Variants in IMPG1 observed in about 807,000 individuals in gnomAD.
IMPG1 encodes the protein interphotoreceptor matrix proteoglycan 1, also known as interphotoreceptor matrix proteoglycan of 150 kDa.
IMPG1 carries 85 observed loss-of-function variants against 92.0 expected under a neutral mutation model. The observed-to-expected ratio is 0.92, with a 90% CI of 0.78 to 1.11. IMPG1 has a LOEUF of 1.11. Ranked by LOEUF, IMPG1 falls within the 50% of genes least tolerant of loss-of-function variation. The pLI is 0.00. For synonymous variants in IMPG1, 367 were observed against 334.1 expected (o/e 1.10, Z -1.08); for missense variants, 1,022 against 956.0 (o/e 1.07, Z -0.91).
chr6:76,062,599 G>A (rs950394598), intron 1 of IMPG1, among the ~76,000 whole-genome samples: 21 of 152,062 alleles, frequency 1.4e-4, no homozygotes, highest in Admixed American at 1.2e-3. Context: ...AAAATGAAAC[G>A]TTGAATTTAG....
rs911535091 is a variant in IMPG1 at position 75,940,859 on chromosome 6, C to A, written c.2044+6455G>T. Among the ~76,000 whole-genome samples, 9 of 152,200 alleles carry A rather than the reference C, an allele frequency of 5.9e-5. 1 individual carries two copies. Among genetic ancestry groups the A allele is most frequent in the African/African-American group, 2.2e-4 (9 of 41,438 alleles). Reference sequence around the variant, plus strand: ...AAATGTCTGCATTTTCCTCTTGCATCTTCTGGAATAGTCCCTCACCCCCTT... The same window carrying A: ...AAATGTCTGCATTTTCCTCTTGCATATTCTGGAATAGTCCCTCACCCCCTT... On this transcript the variant is annotated intron_variant, in intron 14 of 16. Coordinates refer to ENST00000369950, the MANE Select transcript of IMPG1 (RefSeq NM_001563.4).
chr6:76,010,313 A>C (rs1357081439), intron 8 of IMPG1, among the ~76,000 whole-genome samples: 2 of 152,238 alleles, frequency 1.3e-5, no homozygotes, highest in Non-Finnish European at 2.9e-5. Context: ...AAGAAATCTC[A>C]TTCTGTTCAT....
rs1023093562 is a variant in IMPG1, at chr6:75,921,667, G to A, written c.*422C>T. ...TTTAGAGAGACCTGCATCTCCCTGC[G>A]TAAGTAGTCATCTTTTAAATGTACT... is the stretch of plus-strand genomic sequence containing the variant. On this transcript the variant is annotated 3_prime_UTR_variant, in exon 17 of 17. Coordinates refer to ENST00000369950, the MANE Select transcript of IMPG1 (RefSeq NM_001563.4). 3.3e-5 allele frequency: 6 copies of A among 183,240 alleles called. No individual in the cohort carries two copies. The highest frequency in any genetic ancestry group is 6.8e-5 in the Non-Finnish European group (6 of 88,766). 11.4% of individuals were successfully genotyped at this position (183,240 alleles called of 1,614,324 possible).
At chr6:76,033,098 A>G (rs1423547087) in intron 4 of IMPG1, among the ~76,000 whole-genome samples, 1 of 152,206 alleles carries the variant, frequency 6.6e-6, no homozygotes, top group Non-Finnish European at 1.5e-5. Flanking sequence ...TGGGGTGCTA[A>G]AAATATCCTT....
At chr6:76,019,616 G>A (rs75830650) in intron 6 of IMPG1, among the ~76,000 whole-genome samples, 2,002 of 152,250 alleles carry the variant, frequency 0.013, 46 homozygotes, top group African/African-American at 0.045. Flanking sequence ...AACTTTAGTA[G>A]GACACAAGGA....
chr6:76,001,159 T>C (rs1782981562), intron 12 of IMPG1, among the ~76,000 whole-genome samples: 1 of 152,188 alleles, frequency 6.6e-6, no homozygotes, highest in African/African-American at 2.4e-5. Flanking sequence ...ATGGAAACAG[T>C]AAGGCAATTT....
At chr6:75,974,055 A>T (rs1782465266) in intron 12 of IMPG1, among the ~76,000 whole-genome samples, 1 of 152,242 alleles carries the variant, frequency 6.6e-6, no homozygotes, top group Admixed American at 6.5e-5. Flanking sequence ...TTAGAGATGC[A>T]GCCTGGCTTC....
intron 12 of IMPG1, among the ~76,000 whole-genome samples, chr6:75,991,158 C>T (rs758633843): frequency 2.6e-5 from 4 of 152,166 alleles, no homozygotes; most frequent in Admixed American, 1.3e-4. Flanking sequence ...TTTGGGAGGC[C>T]GAGGTGGGCA....
chr6:76,059,167 G>A (rs1452780548), intron 1 of IMPG1, among the ~76,000 whole-genome samples: 3 of 152,104 alleles, frequency 2.0e-5, no homozygotes, highest in African/African-American at 7.2e-5. Context: ...CAAATCTGGA[G>A]GTGAAATTTC....
chr6:75,982,571 A>ATCTATC (rs1380133285), intron 12 of IMPG1, among the ~76,000 whole-genome samples: 3 of 147,784 alleles, frequency 2.0e-5, no homozygotes, highest in African/African-American at 7.6e-5. Flanking sequence ...CTATATATCT[A>ATCTATC]TATAGATATA....
intron 1 of IMPG1, among the ~76,000 whole-genome samples, chr6:76,043,215 T>A (rs720154): frequency 0.35 from 52,678 of 150,844 alleles, 10,923 homozygotes; most frequent in South Asian, 0.49. Flanking sequence ...AAAAAAAAAA[T>A]TACCGATGAA....
At chr6:76,041,872 C>G (rs368210308) in intron 2 of IMPG1, 21 bp downstream of exon 2, 2 of 1,477,034 alleles carry the variant, frequency 1.4e-6, no homozygotes, top group African/African-American at 1.4e-5. Context: ...CAAGGCTAAA[C>G]GGTTTCATCT....
Position 76,011,561 on chromosome 6 carries a change from TTTTTA to T in IMPG1, c.808-342_808-338del, listed in dbSNP as rs896759767. Among the ~76,000 whole-genome samples the T allele has an allele frequency of 9.2e-5, 14 of 151,616 alleles. No homozygotes were observed. The East Asian group carries it at 1.9e-3, about 21-fold the overall frequency. On this transcript the variant is annotated intron_variant, in intron 7 of 16. Transcript: ENST00000369950. ...TTTAAGGTGGTATTTGAAGGAAACT[TTTTTA>T]TTTTATTTTATTTTATTTATTTATT... is the stretch of plus-strand genomic sequence containing the variant.
At chr6:76,026,638 T>C (rs183495081) in intron 4 of IMPG1, among the ~76,000 whole-genome samples, 1 of 152,380 alleles carries the variant, frequency 6.6e-6, no homozygotes, top group Admixed American at 6.5e-5. Flanking sequence ...CATCGGACAG[T>C]AATTAAACTT....
At chr6:76,063,818 G>T (rs934259960) in intron 1 of IMPG1, among the ~76,000 whole-genome samples, 16 of 152,198 alleles carry the variant, frequency 1.1e-4, no homozygotes, top group African/African-American at 3.9e-4. Flanking sequence ...AGGGAGTGCT[G>T]CTCCTAAAGG....
intron 11 of IMPG1, among the ~76,000 whole-genome samples, chr6:76,003,404 G>T (rs1783034569): frequency 1.3e-5 from 2 of 151,930 alleles, no homozygotes. Context: ...AATTATTACT[G>T]AATTTATTAT....
intron 14 of IMPG1, among the ~76,000 whole-genome samples, chr6:75,939,592 G>T (rs1018841647): frequency 1.3e-5 from 2 of 152,132 alleles, no homozygotes; most frequent in Admixed American, 6.5e-5. Flanking sequence ...TCTTAATCCA[G>T]TCTATCATTG....
At chr6:76,015,529 G>A (rs368774533) in intron 7 of IMPG1, among the ~76,000 whole-genome samples, 11 of 151,884 alleles carry the variant, frequency 7.2e-5, no homozygotes, top group South Asian at 2.1e-4. Flanking sequence ...GGCTGGGTGC[G>A]GTAGCTCACG....
At chr6:76,002,054 G>A (rs1575857) in intron 12 of IMPG1, among the ~76,000 whole-genome samples, 124,179 of 152,138 alleles carry the variant, frequency 0.82, 50,879 homozygotes, top group East Asian at 1. Context: ...TAAAACAATA[G>A]TAATCTTATT....
Sources: gnomAD v4.1 joint callset for allele counts (sites outside exome capture counted in the v4.1 genomes callset) on GRCh38, gnomAD v4.1.1 for gene constraint, MANE v1.5 for transcripts, NCBI Gene and HGNC (gene_info 2026-07-23, HGNC 2026-07-21) for gene names.